AGBL1: variants seen among roughly 807,000 people sequenced by gnomAD.
The protein encoded by AGBL1 is cytosolic carboxypeptidase 4.
In AGBL1, 130 loss-of-function variants were observed where a neutral mutation model predicts 118.9. That is an observed-to-expected ratio of 1.09 (90% CI 0.95 to 1.26). The LOEUF is 1.26. Ranked by LOEUF, AGBL1 falls within the 50% of genes most tolerant of loss-of-function variation. AGBL1 has a pLI of 0.00. For missense variants in AGBL1, 1,584 were observed against 1,298.1 expected (o/e 1.22, Z -3.38); for synonymous variants, 555 against 478.9 (o/e 1.16, Z -2.08).
At chr15:86,785,073 T>C (rs910273687) in intron 22 of AGBL1, among the ~76,000 whole-genome samples, 1 of 152,162 alleles carries the variant, frequency 6.6e-6, no homozygotes, top group Non-Finnish European at 1.5e-5. Flanking sequence ...TGCAAATGAA[T>C]TGGTGTTACT....
intron 24 of AGBL1, among the ~76,000 whole-genome samples, chr15:87,010,186 T>A (rs1197729415): frequency 6.6e-6 from 1 of 152,100 alleles, no homozygotes; most frequent in African/African-American, 2.4e-5. Context: ...AATTGAATCA[T>A]GGGGGCAGGT....
intron 18 of AGBL1, among the ~76,000 whole-genome samples, chr15:86,506,990 T>G (rs2082985442): frequency 6.6e-6 from 1 of 152,016 alleles, no homozygotes; most frequent in African/African-American, 2.4e-5. Flanking sequence ...AAGTGTATAT[T>G]TTAGTTTAAA....
chr15:86,198,456 G>A (rs539906308), intron 5 of AGBL1, among the ~76,000 whole-genome samples: 1 of 152,186 alleles, frequency 6.6e-6, no homozygotes, highest in Non-Finnish European at 1.5e-5. Context: ...TACTTTGCAA[G>A]AGAGAAAGAT....
intron 22 of AGBL1, among the ~76,000 whole-genome samples, chr15:86,684,131 G>A (rs894894869): frequency 1.8e-4 from 27 of 152,220 alleles, no homozygotes; most frequent in African/African-American, 6.3e-4. Flanking sequence ...TAATGAACAG[G>A]AGAAGAAATC....
chr15:86,653,024 T>A (rs143366735), intron 21 of AGBL1, among the ~76,000 whole-genome samples: 30 of 152,312 alleles, frequency 2.0e-4, no homozygotes, highest in African/African-American at 6.5e-4. Flanking sequence ...AGAATCCTTG[T>A]TATAGACCCT....
intron 17 of AGBL1, chr15:86,296,068 G>A (rs1167316059): frequency 2.0e-5 from 3 of 152,240 alleles, no homozygotes; most frequent in South Asian, 2.1e-4. Flanking sequence ...ATACACAGAT[G>A]TGTATACACG....
At chr15:86,791,669 T>G (rs573095112) in intron 22 of AGBL1, among the ~76,000 whole-genome samples, 1 of 151,928 alleles carries the variant, frequency 6.6e-6, no homozygotes, top group Non-Finnish European at 1.5e-5. Flanking sequence ...TCATTGAATC[T>G]TTTCCTCTGA....
chr15:87,022,040 A>T (rs1218863032), intron 24 of AGBL1, among the ~76,000 whole-genome samples: 2 of 152,122 alleles, frequency 1.3e-5, no homozygotes, highest in South Asian at 2.1e-4. Flanking sequence ...ATCCAGAAGA[A>T]AGATAACAAT....
At chr15:86,315,032 AG>A (rs1211701801) in intron 17 of AGBL1, among the ~76,000 whole-genome samples, 2 of 152,208 alleles carry the variant, frequency 1.3e-5, no homozygotes, top group African/African-American at 4.8e-5. Flanking sequence ...TAATGAGGTA[AG>A]GTATGTTTTC....
intron 17 of AGBL1, among the ~76,000 whole-genome samples, chr15:86,383,285 C>T (rs996206210): frequency 2.3e-5 from 3 of 130,594 alleles, no homozygotes; most frequent in South Asian, 5.4e-4. Flanking sequence ...ATCCTAATTG[C>T]TTATCTTAAG....
At chr15:86,683,179 T>A (rs2085992454) in intron 22 of AGBL1, among the ~76,000 whole-genome samples, 1 of 152,190 alleles carries the variant, frequency 6.6e-6, no homozygotes, top group Admixed American at 6.6e-5. Context: ...TAATTTAGTT[T>A]TATTAATTTC....
intron 22 of AGBL1, among the ~76,000 whole-genome samples, chr15:86,854,073 A>C (rs2079444746): frequency 6.6e-6 from 1 of 152,112 alleles, no homozygotes; most frequent in Non-Finnish European, 1.5e-5. Flanking sequence ...GCACTGAGAG[A>C]GTTGCAATAA....
At chr15:86,765,282 G>A (rs1205181295) in intron 22 of AGBL1, among the ~76,000 whole-genome samples, 2 of 151,890 alleles carry the variant, frequency 1.3e-5, no homozygotes, top group African/African-American at 4.8e-5. Context: ...TAATCATTGT[G>A]CTCCTAATAA....
intron 23 of AGBL1, among the ~76,000 whole-genome samples, chr15:86,945,100 C>T (rs571055625): frequency 1.8e-4 from 28 of 151,598 alleles, no homozygotes; most frequent in Non-Finnish European, 3.8e-4. Flanking sequence ...CAATGTTATG[C>T]CTGGGTGTGC....
At chr15:86,221,177 G>A (rs781162240) in intron 5 of AGBL1, among the ~76,000 whole-genome samples, 2 of 151,870 alleles carry the variant, frequency 1.3e-5, no homozygotes, top group African/African-American at 2.4e-5. Context: ...CAGCCTGGGG[G>A]ACAAGTGCAA....
chr15:86,726,339 A>G (rs534984831), intron 22 of AGBL1, among the ~76,000 whole-genome samples: 3 of 152,276 alleles, frequency 2.0e-5, no homozygotes, highest in South Asian at 2.1e-4. Flanking sequence ...GGTTGCCAAT[A>G]TGGGATAGTG....
intron 21 of AGBL1, among the ~76,000 whole-genome samples, chr15:86,600,299 T>C (rs1486893613): frequency 6.6e-6 from 1 of 152,172 alleles, no homozygotes; most frequent in Non-Finnish European, 1.5e-5. Flanking sequence ...TTTCAAATAT[T>C]AGACTTGAGT....
chr15:86,703,896 A>T (rs1161413972), intron 22 of AGBL1, among the ~76,000 whole-genome samples: 1 of 152,106 alleles, frequency 6.6e-6, no homozygotes, highest in Non-Finnish European at 1.5e-5. Flanking sequence ...ACTATACTAC[A>T]AGGCCACAGT....
intron 17 of AGBL1, among the ~76,000 whole-genome samples, chr15:86,384,056 G>A (rs945816431): frequency 2.0e-5 from 3 of 152,074 alleles, no homozygotes; most frequent in Non-Finnish European, 2.9e-5. Flanking sequence ...AGCATGTCAC[G>A]GTCCCCTTCC....
Sources: allele counts gnomAD v4.1 joint callset (sites outside exome capture counted in the v4.1 genomes callset), GRCh38; gene constraint gnomAD v4.1.1; transcripts MANE v1.5; gene names NCBI Gene and HGNC (gene_info 2026-07-23, HGNC 2026-07-21).